Variants in SDK1 observed in about 807,000 individuals in gnomAD.
The protein encoded by SDK1 is sidekick cell adhesion molecule 1, also known as protein sidekick-1.
In SDK1, 157 loss-of-function variants were observed where a neutral mutation model predicts 245.5. The observed-to-expected ratio is 0.64, with a 90% CI of 0.56 to 0.73. SDK1 has a LOEUF of 0.73. Ranked by LOEUF, SDK1 falls within the 30% of genes least tolerant of loss-of-function variation. The pLI, the probability that SDK1 is intolerant of heterozygous loss-of-function variation, is 0.00. For synonymous variants in SDK1, 1,647 were observed against 1,278.5 expected (o/e 1.29, Z -6.15); for missense variants, 3,583 against 3,002.3 (o/e 1.19, Z -4.52).
chr7:4,139,493 A>ATG (rs371714565), intron 28 of SDK1, among the ~76,000 whole-genome samples: 3 of 52,154 alleles, frequency 5.8e-5, no homozygotes, highest in South Asian at 1.8e-3. Flanking sequence ...GTGTGTATAT[A>ATG]TGTGTGTGTG....
intron 1 of SDK1, among the ~76,000 whole-genome samples, chr7:3,428,905 T>C (rs775237598): frequency 1.3e-5 from 2 of 152,166 alleles, no homozygotes; most frequent in Non-Finnish European, 2.9e-5. Context: ...AGTGGAGATA[T>C]TGAGATACTC....
chr7:3,478,199 C>A (rs1384267420), intron 1 of SDK1, among the ~76,000 whole-genome samples: 1 of 152,116 alleles, frequency 6.6e-6, no homozygotes, highest in African/African-American at 2.4e-5. Flanking sequence ...TGGCCATTAC[C>A]TCCCCTTTAT....
chr7:3,629,901 G>A (rs766407462), intron 2 of SDK1, among the ~76,000 whole-genome samples: 2 of 152,106 alleles, frequency 1.3e-5, no homozygotes, highest in African/African-American at 2.4e-5. Flanking sequence ...TAATGAAACA[G>A]TTATAACTGT....
rs79388027 is a variant in SDK1, at chr7:4,045,127, G to C, written c.2603-4221G>C. ...TTTTGTTCCCTTCTACTACTGAGCA[G>C]CATCCCATTCCATAGACACACTACA... On this transcript the variant is annotated intron_variant, in intron 17 of 44. Coordinates refer to ENST00000404826, the MANE Select transcript of SDK1 (RefSeq NM_152744.4). Among the ~76,000 whole-genome samples the C allele has an allele frequency of 3.7e-3, 556 of 152,274 alleles. 6 individuals are homozygous for C. The South Asian group carries it at 0.04, about 11-fold the overall frequency.
rs532610384 is a variant in SDK1, at chr7:3,535,033, G to C, written c.299-84047G>C. Among the ~76,000 whole-genome samples, 5 of 152,236 alleles carry C rather than the reference G, an allele frequency of 3.3e-5. No individual in the cohort carries two copies. The South Asian group carries it at 8.3e-4, about 25-fold the overall frequency. On this transcript the variant is annotated intron_variant, in intron 1 of 44. Coordinates refer to ENST00000404826, the MANE Select transcript of SDK1 (RefSeq NM_152744.4). ...TCACTCCTGTAATCCCAGCACTTTG[G>C]GAGGCCAAGGTGGGCGGATCACCTG...
rs1385402735 is a variant in SDK1 at position 3,606,857 on chromosome 7, T to G, written c.299-12223T>G. 2.6e-5 allele frequency among the ~76,000 whole-genome samples: 4 copies of G among 151,926 alleles called. No homozygotes were observed. In the East Asian group the frequency reaches 7.7e-4, roughly 29 times the overall value. On this transcript the variant is annotated intron_variant, in intron 1 of 44. Coordinates refer to ENST00000404826, the MANE Select transcript of SDK1 (RefSeq NM_152744.4). ...ATGTGTCTTCCTGAAAAAAAAAATC[T>G]GTGAAATCATAAACCAAAATAACAC...
intron 4 of SDK1, among the ~76,000 whole-genome samples, chr7:3,655,547 T>C (rs1427746608): frequency 7.0e-6 from 1 of 141,852 alleles, no homozygotes; most frequent in Non-Finnish European, 1.5e-5. Context: ...ATATCTTTCC[T>C]ATGGCTGTCT....
intron 5 of SDK1, among the ~76,000 whole-genome samples, chr7:3,886,301 A>C (rs1781337475): frequency 6.6e-6 from 1 of 152,184 alleles, no homozygotes; most frequent in Non-Finnish European, 1.5e-5. Flanking sequence ...CAGAGAGAGA[A>C]AGCTGTTAGG....
intron 4 of SDK1, among the ~76,000 whole-genome samples, chr7:3,757,317 C>G (rs1385203522): frequency 6.6e-6 from 1 of 152,136 alleles, no homozygotes; most frequent in African/African-American, 2.4e-5. Flanking sequence ...CTCTCTGTCA[C>G]TCAACTCCTG....
chr7:3,713,076 G>C (rs1288745656), intron 4 of SDK1, among the ~76,000 whole-genome samples: 1 of 152,252 alleles, frequency 6.6e-6, no homozygotes, highest in African/African-American at 2.4e-5. Flanking sequence ...GGAGGCAGGT[G>C]CTGCGTCCCT....
intron 4 of SDK1, among the ~76,000 whole-genome samples, chr7:3,784,854 G>A (rs1357049594): frequency 6.6e-6 from 1 of 152,190 alleles, no homozygotes; most frequent in African/African-American, 2.4e-5. Flanking sequence ...CCACCTCTGG[G>A]CATTTACCGA....
intron 1 of SDK1, among the ~76,000 whole-genome samples, chr7:3,463,791 C>G (rs972869125): frequency 6.6e-6 from 1 of 152,132 alleles, no homozygotes; most frequent in African/African-American, 2.4e-5. Flanking sequence ...TGTCTGATGG[C>G]TTTTAACATG....
At chr7:3,904,365 G>A (rs1781893016) in intron 5 of SDK1, among the ~76,000 whole-genome samples, 2 of 152,140 alleles carry the variant, frequency 1.3e-5, no homozygotes. Flanking sequence ...ACTAGGAAGT[G>A]CTACACAACC....
chr7:4,113,374 G>A lies in SDK1; in HGVS notation c.3520G>A (p.Asp1174Asn), dbSNP rs773384325. 48 of 1,613,720 alleles carry A rather than the reference G, an allele frequency of 3.0e-5. No homozygotes were observed. In the South Asian group the frequency reaches 3.5e-4, roughly 12 times the overall value. The change falls in exon 24 of 45, where the codon GAC becomes AAC. Residue 1174 changes from aspartate to asparagine, a missense_variant. Coordinates refer to ENST00000404826, the MANE Select transcript of SDK1 (RefSeq NM_152744.4). ...CATCCAGACCCTGCAGGCCCCACCC[G>A]ACGTGGCTCCAACCAGCGTCACGGT... is the stretch of plus-strand genomic sequence containing the variant. The part of the protein sequence containing the change: ...RVIQTLQAPP[D>N]VAPTSVTVRT...
intron 31 of SDK1, among the ~76,000 whole-genome samples, chr7:4,161,016 G>A (rs1781080600): frequency 6.6e-6 from 1 of 152,202 alleles, no homozygotes; most frequent in South Asian, 2.1e-4. Flanking sequence ...ACTGGATACA[G>A]AATGCGTGTC....
At chr7:3,697,705 C>T (rs1238813101) in intron 4 of SDK1, among the ~76,000 whole-genome samples, 2 of 152,144 alleles carry the variant, frequency 1.3e-5, no homozygotes, top group Non-Finnish European at 2.9e-5. Context: ...CATTTCCTCT[C>T]CCCACTTCAC....
chr7:4,241,811 T>C lies in SDK1; in HGVS notation c.6149T>C (p.Met2050Thr). 1.9e-6 allele frequency: 3 copies of C among 1,614,172 alleles called. No homozygotes were observed. The highest frequency in any genetic ancestry group is 2.5e-6 in the Non-Finnish European group (3 of 1,180,014). The change falls in exon 43 of 45, where the codon ATG (methionine) becomes ACG (threonine). Residue 2050 changes from methionine (M) to threonine (T), a missense_variant. Physicochemically the swap from Met to Thr is moderately conservative, Grantham distance 81 (BLOSUM62 -1). Transcript: ENST00000404826. ...GCTTTAGGAAAGGGGATCTCCACCATGGAGGAGTCTGTGACCCTGGACAAC... is the reference window on the plus strand; with the variant it reads ...GCTTTAGGAAAGGGGATCTCCACCACGGAGGAGTCTGTGACCCTGGACAAC... ...NCSTGKGIST[M>T]EESVTLDNGG...
At chr7:3,983,652 T>C (rs1245570627) in intron 13 of SDK1, among the ~76,000 whole-genome samples, 5 of 152,214 alleles carry the variant, frequency 3.3e-5, no homozygotes, top group African/African-American at 1.2e-4. Context: ...GAACTGAACG[T>C]GCAGTATCTC....
At chr7:3,978,831 C>G (rs893688956) in intron 13 of SDK1, among the ~76,000 whole-genome samples, 5 of 152,174 alleles carry the variant, frequency 3.3e-5, no homozygotes, top group African/African-American at 7.2e-5. Context: ...TTCAGAGGAG[C>G]CTGAAAGCCT....
Sources: allele counts gnomAD v4.1 joint callset (sites outside exome capture counted in the v4.1 genomes callset), GRCh38; gene constraint gnomAD v4.1.1; transcripts MANE v1.5; gene names NCBI Gene and HGNC (gene_info 2026-07-23, HGNC 2026-07-21).